The following TAF3 variants were observed in gnomAD, a reference collection of about 807,000 sequenced individuals.
The protein encoded by TAF3 is TATA-box binding protein associated factor 3, also known as transcription initiation factor TFIID subunit 3.
In TAF3, 7 loss-of-function variants were observed where a neutral mutation model predicts 80.6. The ratio of observed to expected loss-of-function variants is 0.09; its 90% CI spans 0.05 to 0.16. The LOEUF is 0.16. TAF3 is among the 10% of genes least tolerant of loss of function. The pLI is 1.00. For missense variants in TAF3, 921 were observed against 1,140.2 expected, an observed-to-expected ratio of 0.81 and a Z score of 2.77; for synonymous variants, 444 against 446.1, an observed-to-expected ratio of 1.00 and a Z score of 0.06.
rs1479778300 is a variant in TAF3, at chr10:8,009,431, A to G, written c.2568+101A>G. On this transcript the variant is annotated intron_variant, in intron 5 of 6. Transcript: ENST00000344293. This position sits in a 1 kb window ranked among gnomAD's most constrained non-coding sequence, Gnocchi z 4.1. ...CGAATTTCAGACGCATTTCTCTTCA[A>G]AATTTTATTATTTACTTAATTATTT... The G allele has an allele frequency of 7.2e-7, 1 of 1,397,760 alleles. No homozygotes were observed. Among genetic ancestry groups the G allele is most frequent in the Non-Finnish European group, 9.4e-7 (1 of 1,063,212 alleles). 86.6% of individuals were successfully genotyped at this position (1,397,760 alleles called of 1,614,324 possible). A position where few individuals can be genotyped will look rare whatever the true frequency, so the allele number is the denominator to read the frequency against.
At chr10:7,937,888 C>T (rs181548701) in intron 2 of TAF3, among the ~76,000 whole-genome samples, 62 of 152,170 alleles carry the variant, frequency 4.1e-4, no homozygotes, top group East Asian at 7.7e-4. Context: ...AAATAAGGTA[C>T]GCAAGGTTGC....
chr10:7,885,262 ACACACACACACC>A (rs1837398943), intron 2 of TAF3, among the ~76,000 whole-genome samples: 1 of 151,768 alleles, frequency 6.6e-6, no homozygotes, highest in African/African-American at 2.4e-5. Context: ...ACACACACAC[ACACACACACACC>A]CCCACACACA....
intron 2 of TAF3, among the ~76,000 whole-genome samples, chr10:7,838,908 GTTTTTT>G (rs71505463): frequency 2.0e-5 from 2 of 101,866 alleles, no homozygotes; most frequent in Admixed American, 2.3e-4. Flanking sequence ...GGCATTGCTT[GTTTTTT>G]TTTTTTTTTG....
intron 2 of TAF3, among the ~76,000 whole-genome samples, chr10:7,847,945 T>G (rs1036095418): frequency 2.0e-5 from 3 of 151,198 alleles, no homozygotes; most frequent in Non-Finnish European, 4.4e-5. Flanking sequence ...AATTTTTGTA[T>G]TTTTAGTAGA....
Position 7,905,942 on chromosome 10 carries a change from G to A in TAF3, c.410-57978G>A, listed in dbSNP as rs115277784. ...GTATTTGTACTTTATCAAATATATG[G>A]TAAATGCACCAATTTTGGTAGAAAG... On this transcript the variant is annotated intron_variant, in intron 2 of 6. Coordinates refer to ENST00000344293, the MANE Select transcript of TAF3 (RefSeq NM_031923.4). Among the ~76,000 whole-genome samples the A allele has an allele frequency of 2.7e-3, 409 of 152,190 alleles. 4 individuals are homozygous for A. The highest frequency in any genetic ancestry group is 9.2e-3 in the African/African-American group (381 of 41,498).
At chr10:7,991,595 T>A (rs1010403984) in intron 4 of TAF3, among the ~76,000 whole-genome samples, 1 of 152,166 alleles carries the variant, frequency 6.6e-6, no homozygotes, top group East Asian at 1.9e-4. Flanking sequence ...TATAGATTTA[T>A]ACACATACAC....
At chr10:8,012,747 T>TC (rs1460405619) in intron 5 of TAF3, among the ~76,000 whole-genome samples, 1 of 152,168 alleles carries the variant, frequency 6.6e-6, no homozygotes, top group Non-Finnish European at 1.5e-5. Flanking sequence ...AGGAAGCCCA[T>TC]CACTACAGTG....
intron 3 of TAF3, among the ~76,000 whole-genome samples, chr10:7,972,562 C>T (rs529991777): frequency 2.6e-5 from 4 of 152,100 alleles, no homozygotes; most frequent in African/African-American, 7.2e-5. Context: ...AACTTTGAGC[C>T]GAGATAGCAG....
intron 2 of TAF3, among the ~76,000 whole-genome samples, chr10:7,919,837 T>C (rs1168402607): frequency 6.6e-6 from 1 of 152,226 alleles, no homozygotes; most frequent in African/African-American, 2.4e-5. Context: ...GGGCTGACTG[T>C]GTATGCTTAA....
intron 2 of TAF3, among the ~76,000 whole-genome samples, chr10:7,843,552 A>T (rs544240227): frequency 2.0e-5 from 3 of 152,206 alleles, no homozygotes; most frequent in African/African-American, 7.2e-5. Flanking sequence ...AATACTACTT[A>T]AATGTAGTTA....
In TAF3 at chr10:7,964,805, C is replaced by T; in HGVS notation, c.1295C>T (p.Thr432Ile). 6.2e-7 allele frequency: 1 copy of T among 1,614,160 alleles called. No homozygotes were observed. Among genetic ancestry groups the T allele is most frequent in the African/African-American group, 1.3e-5 (1 of 75,032 alleles). Residue 432 changes from threonine to isoleucine, a missense_variant, in exon 3 of 7, where the codon ACT (threonine) becomes ATT (isoleucine). By Grantham distance (89) the Thr-to-Ile change is moderately conservative. Transcript: ENST00000344293. The surrounding 1 kb of genome is among the most constrained non-coding windows in gnomAD (Gnocchi z 4.1). ...SPKRISGPEC[T>I]TPKASTSANN... ...AAGAGAATTTCAGGCCCGGAGTGTACTACTCCCAAAGCTTCCACTTCCGCG... is the reference window on the plus strand; with the variant it reads ...AAGAGAATTTCAGGCCCGGAGTGTATTACTCCCAAAGCTTCCACTTCCGCG...
intron 2 of TAF3, among the ~76,000 whole-genome samples, chr10:7,950,554 T>C (rs1464216118): frequency 6.6e-6 from 1 of 152,262 alleles, no homozygotes; most frequent in Admixed American, 6.5e-5. Context: ...GGAATCACTT[T>C]CAAGCAAAAT....
At chr10:7,989,298 A>G (rs925349530) in intron 4 of TAF3, among the ~76,000 whole-genome samples, 3 of 152,176 alleles carry the variant, frequency 2.0e-5, no homozygotes, top group Admixed American at 2.0e-4. Context: ...AGAAAGAAGG[A>G]AGAGAGAGAG....
chr10:7,955,049 T>G (rs1163349144), intron 2 of TAF3, among the ~76,000 whole-genome samples: 2 of 152,242 alleles, frequency 1.3e-5, no homozygotes, highest in Non-Finnish European at 2.9e-5. Flanking sequence ...CATAGTGAGA[T>G]TCAGAGTGCA....
At chr10:7,824,685 A>C in intron 2 of TAF3, 125 bp downstream of exon 2, 1 of 1,252,804 alleles carries the variant, frequency 8.0e-7, no homozygotes, top group Non-Finnish European at 1.1e-6. Flanking sequence ...ACTGTTACTT[A>C]CAAATTATTC....
chr10:7,968,585 T>C (rs1416957325), intron 3 of TAF3, among the ~76,000 whole-genome samples: 4 of 152,192 alleles, frequency 2.6e-5, no homozygotes, highest in African/African-American at 9.6e-5. Context: ...CAGTGAGTAA[T>C]TACTATGTGC....
At chr10:7,975,627 T>C (rs968870810) in intron 3 of TAF3, among the ~76,000 whole-genome samples, 2 of 152,192 alleles carry the variant, frequency 1.3e-5, no homozygotes, top group African/African-American at 2.4e-5. Flanking sequence ...ATTCAACAAA[T>C]GTCTGCCGAG....
At chr10:7,946,163 C>T (rs79721449) in intron 2 of TAF3, among the ~76,000 whole-genome samples, 2,695 of 151,948 alleles carry the variant, frequency 0.018, 79 homozygotes, top group African/African-American at 0.061. Flanking sequence ...TTAAAACTAC[C>T]GGTGACTTCC....
At chr10:7,866,593 C>T (rs1837217261) in intron 2 of TAF3, among the ~76,000 whole-genome samples, 1 of 152,066 alleles carries the variant, frequency 6.6e-6, no homozygotes, top group Non-Finnish European at 1.5e-5. Flanking sequence ...GGGAGCGTGG[C>T]GTAAGATGAA....
Sources: gnomAD v4.1 joint callset for allele counts (sites outside exome capture counted in the v4.1 genomes callset) on GRCh38, gnomAD v4.1.1 for gene constraint, Gnocchi (gnomAD v3.1) non-coding constraint, MANE v1.5 for transcripts, NCBI Gene and HGNC (gene_info 2026-07-23, HGNC 2026-07-21) for gene names.